The following COL4A4 variants were observed in gnomAD, a reference collection of about 807,000 sequenced individuals.
COL4A4 encodes the protein collagen type IV alpha 4 chain.
A neutral mutation model predicts 192.9 loss-of-function variants in COL4A4; 105 were observed. The observed-to-expected ratio is 0.54, with a 90% confidence interval of 0.46 to 0.64. COL4A4 has a LOEUF of 0.64. Among genes scored for constraint, COL4A4 ranks in the 30% least tolerant of loss-of-function variants. COL4A4 has a pLI of 0.00. For missense variants in COL4A4, 1,967 were observed against 2,169.3 expected (o/e 0.91, Z 1.85); for synonymous variants, 762 against 769.9 (o/e 0.99, Z 0.17).
chr2:227,021,297 C>T lies in COL4A4; in HGVS notation c.4216+751G>A, dbSNP rs554003888. On this transcript the variant is annotated intron_variant, in intron 44 of 47. Transcript: ENST00000396625. ...ATTAACCATGTAGTAACTGCCAAAA[C>T]GTACAGCAAGACCCTATTTTTCCCC... Among the ~76,000 whole-genome samples the T allele has an allele frequency of 2.0e-4, 31 of 152,290 alleles. No individual in the cohort carries two copies. In the South Asian group the frequency reaches 3.9e-3, roughly 19 times the overall value.
At chr2:227,031,041 A>AGATGGATGAATG (rs1553626077) in intron 40 of COL4A4, among the ~76,000 whole-genome samples, 1 of 146,240 alleles carries the variant, frequency 6.8e-6, no homozygotes, top group Non-Finnish European at 1.5e-5. Context: ...TTGGATGGAC[A>AGATGGATGAATG]GATGGATGGA....
Position 227,045,973 on chromosome 2 carries a change from G to A in COL4A4, c.3289+1502C>T, listed in dbSNP as rs1206963101. ...TATGTATATATGTATATATTTATAT[G>A]TGTATATGTATATATTTAGATATTT... On this transcript the variant is annotated intron_variant, in intron 35 of 47. Coordinates refer to ENST00000396625, the MANE Select transcript of COL4A4 (RefSeq NM_000092.5). 1.4e-4 allele frequency among the ~76,000 whole-genome samples: 6 copies of A among 41,638 alleles called. 1 individual carries two copies. Among genetic ancestry groups the A allele is most frequent in the East Asian group, 1.2e-3 (2 of 1,712 alleles). 27.3% of individuals were successfully genotyped at this position (41,638 alleles called of 152,430 possible). A position where few individuals can be genotyped will look rare whatever the true frequency, so the allele number is the denominator to read the frequency against.
the COL4A4 span, among the ~76,000 whole-genome samples, chr2:226,994,098 C>T: frequency 6.6e-6 from 1 of 152,212 alleles, no homozygotes; most frequent in African/African-American, 2.4e-5. Flanking sequence ...CGGGCACCTT[C>T]CCAGTCTGCC....
intron 3 of COL4A4, among the ~76,000 whole-genome samples, chr2:227,141,278 A>G (rs945243543): frequency 2.0e-5 from 3 of 152,220 alleles, no homozygotes; most frequent in Non-Finnish European, 4.4e-5. Context: ...TGGCCATACA[A>G]TTTTATGATT....
intron 3 of COL4A4, among the ~76,000 whole-genome samples, 192 bp downstream of exon 3, chr2:227,144,324 A>G (rs147390880): frequency 1.3e-5 from 2 of 152,256 alleles, no homozygotes; most frequent in Non-Finnish European, 2.9e-5. Context: ...AATCCCCAAT[A>G]CCTAGGCAAT....
Position 227,140,304 on chromosome 2 carries a change from C to T in COL4A4, c.115-66G>A, listed in dbSNP as rs150527687. Reference sequence around the variant, plus strand: ...CGTTTAACTACGTGCATAACACATACATTATAACAAGCACTCTTGGTTTAC... The same window carrying T: ...CGTTTAACTACGTGCATAACACATATATTATAACAAGCACTCTTGGTTTAC... On this transcript the variant is annotated intron_variant, in intron 3 of 47. Coordinates refer to ENST00000396625, the MANE Select transcript of COL4A4 (RefSeq NM_000092.5). 3.6e-4 allele frequency: 474 copies of T among 1,314,780 alleles called. 2 individuals are homozygous for T. In the African/African-American group the frequency reaches 5.0e-3, roughly 14 times the overall value. 81.4% of individuals were successfully genotyped at this position (1,314,780 alleles called of 1,614,324 possible). A position where few individuals can be genotyped will look rare whatever the true frequency, so the allele number is the denominator to read the frequency against.
In COL4A4 at chr2:227,007,312, A is replaced by C. The variant is rs776320661; in HGVS notation, c.*13T>G. 1 of 1,614,212 alleles carries C rather than the reference A, an allele frequency of 6.2e-7. No homozygotes were observed. Among genetic ancestry groups the C allele is most frequent in the South Asian group, 1.1e-5 (1 of 91,076 alleles). ...AGTTTCTCTTGGCCACGTGTTGGTG[A>C]ATTTCGCATTCTCTAGCTATACTTC... On this transcript the variant is annotated 3_prime_UTR_variant, in exon 48 of 48. Transcript: ENST00000396625.
In COL4A4 at chr2:227,007,510, G is replaced by C. The variant is rs1049474076; in HGVS notation, c.4888C>G (p.Pro1630Ala). Residue 1630 changes from proline (P) to alanine (A), a missense_variant, in exon 48 of 48, where the codon CCA becomes GCA. By Grantham distance (27) the Pro-to-Ala change is conservative. Transcript: ENST00000396625. ...GSCLEDFRAA[P>A]FLECQGRQGT... ...TGCCGGCCCTGGCATTCAAGGAATG[G>C]TGCTGCTCTGAAATCTTCCAGGCAG... 1.9e-6 allele frequency: 3 copies of C among 1,613,840 alleles called. No homozygotes were observed. The highest frequency in any genetic ancestry group is 2.5e-6 in the Non-Finnish European group (3 of 1,180,042).
chr2:227,122,615 A>G (rs1381117026), intron 4 of COL4A4, among the ~76,000 whole-genome samples: 1 of 152,192 alleles, frequency 6.6e-6, no homozygotes, highest in Admixed American at 6.5e-5. Flanking sequence ...TGGCAACCCA[A>G]TGTTGTGCAG....
Position 227,007,538 on chromosome 2 carries a change from G to A in COL4A4, c.4860C>T (p.Gly1620=). The A allele has an allele frequency of 6.2e-7, 1 of 1,613,420 alleles. No individual in the cohort carries two copies. The highest frequency in any genetic ancestry group is 1.3e-5 in the African/African-American group (1 of 75,022). Reference sequence around the variant, plus strand: ...CTGCTCTGAAATCTTCCAGGCAGCTGCCAGGTGACATAAGGGCCTGCCCTC... The same window carrying A: ...CTGCTCTGAAATCTTCCAGGCAGCTACCAGGTGACATAAGGGCCTGCCCTC... ...QGGGQALMSP[G]SCLEDFRAAP... Residue 1620 remains glycine, a synonymous_variant, in exon 48 of 48, where the codon GGC becomes GGT. Coordinates refer to ENST00000396625, the MANE Select transcript of COL4A4 (RefSeq NM_000092.5).
chr2:227,032,539 C>G (rs981899864), intron 38 of COL4A4, among the ~76,000 whole-genome samples: 1 of 152,166 alleles, frequency 6.6e-6, no homozygotes, highest in Non-Finnish European at 1.5e-5. Flanking sequence ...AACCTCCCAC[C>G]TCTACAATGG....
intron 9 of COL4A4, among the ~76,000 whole-genome samples, chr2:227,110,356 T>G (rs2061122828): frequency 1.3e-5 from 2 of 152,238 alleles, no homozygotes; most frequent in African/African-American, 4.8e-5. Flanking sequence ...AGTCGTTCCA[T>G]CACTAGCCAG....
At chr2:227,094,332 G>A (rs2060095371) in intron 19 of COL4A4, 43 bp from the exon 20 acceptor site, 1 of 1,585,790 alleles carries the variant, frequency 6.3e-7, no homozygotes, top group Non-Finnish European at 8.6e-7. Flanking sequence ...TACTCTCAGA[G>A]TAAACGTCTC....
At position 227,080,453 on chromosome 2, in the gene COL4A4, G is replaced by A. The variant is rs2059264749; in HGVS notation, c.1793C>T (p.Pro598Leu). ...RDGHAGEKGD[P>L]GPPGDHEDAT... is the part of the protein sequence containing the mutation. Reference sequence around the variant, plus strand: ...AAGAATTCTACATACTGGAGGTCCTGGATCCCCTTTTTCTCCAGCATGTCC... The same window carrying A: ...AAGAATTCTACATACTGGAGGTCCTAGATCCCCTTTTTCTCCAGCATGTCC... The change falls in exon 24 of 48, where the codon CCA becomes CTA. Residue 598 changes from proline to leucine, a missense_variant. Coordinates refer to ENST00000396625, the MANE Select transcript of COL4A4 (RefSeq NM_000092.5). The A allele has an allele frequency of 1.9e-6, 3 of 1,613,740 alleles. No homozygotes were observed. The highest frequency in any genetic ancestry group is 2.7e-5 in the African/African-American group (2 of 74,882).
chr2:227,076,054 A>G (rs192874282), intron 25 of COL4A4, among the ~76,000 whole-genome samples: 1 of 152,332 alleles, frequency 6.6e-6, no homozygotes, highest in Non-Finnish European at 1.5e-5. Flanking sequence ...GAAAATGGCC[A>G]TACTGCCCAA....
the COL4A4 span, among the ~76,000 whole-genome samples, chr2:226,992,376 C>G: frequency 6.6e-6 from 1 of 152,202 alleles, no homozygotes; most frequent in East Asian, 1.9e-4. Context: ...GTGTAGTTTT[C>G]AGAGTTGGAA....
chr2:227,084,544 A>G (rs902668400), intron 22 of COL4A4, among the ~76,000 whole-genome samples: 4 of 133,724 alleles, frequency 3.0e-5, no homozygotes, highest in African/African-American at 9.7e-5. Flanking sequence ...GACTTCATTA[A>G]AGAAACATTT....
rs561216954 is a variant in COL4A4 at position 227,058,364 on chromosome 2, C to T, written c.2384-764G>A. On this transcript the variant is annotated intron_variant, in intron 28 of 47. Transcript: ENST00000396625. Reference sequence around the variant, plus strand: ...CATTTTCATATCTATAACCTTCTTCCATTGAACACTTCCCTTAGATATATT... The same window carrying T: ...CATTTTCATATCTATAACCTTCTTCTATTGAACACTTCCCTTAGATATATT... Among the ~76,000 whole-genome samples, 14 of 152,268 alleles carry T rather than the reference C, an allele frequency of 9.2e-5. No homozygotes were observed. In the South Asian group the frequency reaches 2.9e-3, roughly 32 times the overall value.
intron 5 of COL4A4, 97 bp downstream of exon 5, chr2:227,120,917 T>G: frequency 6.6e-7 from 1 of 1,504,836 alleles, no homozygotes. Flanking sequence ...CTAGCCTGAG[T>G]GACAGAGTAA....
Sources: allele counts gnomAD v4.1 joint callset (sites outside exome capture counted in the v4.1 genomes callset), GRCh38; gene constraint gnomAD v4.1.1; transcripts MANE v1.5; gene names NCBI Gene and HGNC (gene_info 2026-07-23, HGNC 2026-07-21).